SLC9D1: variants seen among roughly 807,000 people sequenced by gnomAD.
SLC9D1 encodes the protein solute carrier family 9 member D1.
At chr13:113,503,631 C>T in the SLC9D1 span, 54 of 1,344,158 alleles carry the variant, frequency 4.0e-5, no homozygotes, top group Non-Finnish European at 5.3e-5. Context: ...AGGAGCTTCA[C>T]ATCATGTGGT....
the SLC9D1 span, chr13:113,549,372 C>T: frequency 6.3e-7 from 1 of 1,594,690 alleles, no homozygotes; most frequent in Non-Finnish European, 8.5e-7. Flanking sequence ...TTTCCTGTTG[C>T]AGGTGCTAGT....
the SLC9D1 span, among the ~76,000 whole-genome samples, chr13:113,546,478 C>T: frequency 1.3e-5 from 2 of 152,222 alleles, no homozygotes; most frequent in East Asian, 3.9e-4. This position sits in a 1 kb window ranked among gnomAD's most constrained non-coding sequence, Gnocchi z 7.1. Flanking sequence ...AGAAGGCAGC[C>T]CTCAAGCGCA....
chr13:113,507,615 G>A, the SLC9D1 span, among the ~76,000 whole-genome samples: 4 of 152,204 alleles, frequency 2.6e-5, no homozygotes, highest in African/African-American at 9.7e-5. Flanking sequence ...TCTCGCCCTT[G>A]TAGCTGCTCG....
chr13:113,524,247 T>C, the SLC9D1 span: 1 of 445,552 alleles, frequency 2.2e-6, no homozygotes, highest in Non-Finnish European at 4.5e-6. Context: ...AATCAGCTTT[T>C]GCTCTATGTA....
chr13:113,510,303 G>A, the SLC9D1 span: 2 of 1,614,228 alleles, frequency 1.2e-6, no homozygotes, highest in South Asian at 1.1e-5. Flanking sequence ...TTGGCTTGCT[G>A]TGGGGGCATC....
At chr13:113,515,613 T>C in the SLC9D1 span, among the ~76,000 whole-genome samples, 3 of 152,050 alleles carry the variant, frequency 2.0e-5, no homozygotes, top group African/African-American at 7.2e-5. Context: ...GGTAAGTGGC[T>C]GGGCACGGTG....
the SLC9D1 span, chr13:113,520,702 C>G: frequency 6.2e-7 from 1 of 1,613,868 alleles, no homozygotes; most frequent in Non-Finnish European, 8.5e-7. Context: ...CATGCCGACT[C>G]TCATACAGGC....
chr13:113,511,175 A>G, the SLC9D1 span, among the ~76,000 whole-genome samples: 17,979 of 134,836 alleles, frequency 0.13, 1,910 homozygotes, highest in African/African-American at 0.27. Context: ...GCTGTTTCTG[A>G]CAGCCTGCCT....
At chr13:113,549,498 C>T in the SLC9D1 span, 64 of 1,613,974 alleles carry the variant, frequency 4.0e-5, no homozygotes, top group Non-Finnish European at 5.0e-5. Flanking sequence ...GCTGCAATCA[C>T]GAGGTGTGTG....
chr13:113,538,553 C>G, the SLC9D1 span, among the ~76,000 whole-genome samples: 1 of 152,194 alleles, frequency 6.6e-6, no homozygotes, highest in Non-Finnish European at 1.5e-5. Context: ...CGTGCTGAGC[C>G]CTTGGCGCTG....
the SLC9D1 span, among the ~76,000 whole-genome samples, chr13:113,503,069 AT>A: frequency 1.3e-5 from 2 of 152,256 alleles, no homozygotes; most frequent in Non-Finnish European, 2.9e-5. Context: ...TGATTCAAGT[AT>A]AAAACACCAG....
chr13:113,528,435 C>G, the SLC9D1 span: 2 of 152,238 alleles, frequency 1.3e-5, no homozygotes, highest in African/African-American at 4.8e-5. Context: ...ATCTTCCCTG[C>G]TGTCGGTAGC....
the SLC9D1 span, chr13:113,504,134 G>A: frequency 1.3e-5 from 2 of 152,346 alleles, no homozygotes; most frequent in Non-Finnish European, 2.9e-5. Context: ...CATCGACTTA[G>A]CAAAAGTTTT....
chr13:113,519,508 G>T, the SLC9D1 span, among the ~76,000 whole-genome samples: 1 of 152,200 alleles, frequency 6.6e-6, no homozygotes, highest in Non-Finnish European at 1.5e-5. Flanking sequence ...TTGTGAAGAA[G>T]GTCTCATTTT....
the SLC9D1 span, chr13:113,536,558 G>A: frequency 1.0e-6 from 1 of 984,910 alleles, no homozygotes; most frequent in African/African-American, 1.7e-5. Context: ...CAGCAGAATT[G>A]TCTTATCTGG....
At chr13:113,537,749 C>G in the SLC9D1 span, among the ~76,000 whole-genome samples, 2 of 152,206 alleles carry the variant, frequency 1.3e-5, no homozygotes, top group Admixed American at 1.3e-4. Flanking sequence ...CTTCAGTCCA[C>G]CCAGAGGTGA....
the SLC9D1 span, among the ~76,000 whole-genome samples, chr13:113,540,649 C>G: frequency 0.16 from 24,948 of 152,192 alleles, 2,321 homozygotes; most frequent in Admixed American, 0.27. Context: ...TTTGTCAGGT[C>G]CATAGTTTGC....
the SLC9D1 span, among the ~76,000 whole-genome samples, chr13:113,526,371 A>G: frequency 0.18 from 28,138 of 152,194 alleles, 3,443 homozygotes; most frequent in African/African-American, 0.35. Context: ...TATAAAGTTA[A>G]AAAGTTACAG....
At chr13:113,550,017 T>C in the SLC9D1 span, 1 of 248,140 alleles carries the variant, frequency 4.0e-6, no homozygotes, top group East Asian at 1.1e-4. Flanking sequence ...TTACTTTTGA[T>C]TCTTAAAGCC....
Sources: allele counts gnomAD v4.1 joint callset (sites outside exome capture counted in the v4.1 genomes callset), GRCh38; gene constraint gnomAD v4.1.1; non-coding constraint Gnocchi (gnomAD v3.1); transcripts MANE v1.5; gene names NCBI Gene and HGNC (gene_info 2026-07-23, HGNC 2026-07-21).